Variants in NUAK1 observed in about 807,000 individuals in gnomAD.
NUAK1 encodes NUAK family kinase 1, also known as NUAK family SNF1-like kinase 1.
NUAK1 carries 26 observed loss-of-function variants against 56.9 expected under a neutral mutation model. The observed-to-expected ratio is 0.46, with a 90% CI of 0.33 to 0.63. The LOEUF (loss-of-function observed/expected upper bound fraction) is 0.63, where lower values mean the gene tolerates loss of function less well. Among genes scored for constraint, NUAK1 ranks in the 30% least tolerant of loss-of-function variants. The pLI is 0.02. For synonymous variants in NUAK1, 337 were observed against 336.0 expected, an observed-to-expected ratio of 1.00 and a Z score of -0.03; for missense variants, 727 against 876.1, an observed-to-expected ratio of 0.83 and a Z score of 2.15.
chr12:106,070,424 G>A (rs1592847577), intron 6 of NUAK1, among the ~76,000 whole-genome samples: 1 of 152,186 alleles, frequency 6.6e-6, no homozygotes, highest in East Asian at 1.9e-4. Context: ...ACATTCTCAG[G>A]TGAGTGGTTT....
At chr12:106,132,593 G>A (rs115095912) in intron 1 of NUAK1, among the ~76,000 whole-genome samples, 5,072 of 152,246 alleles carry the variant, frequency 0.033, 122 homozygotes, top group African/African-American at 0.065. Context: ...AGCCCCCTAG[G>A]GACTCCAGGG....
intron 6 of NUAK1, 114 bp from the exon 7 acceptor site, chr12:106,068,069 C>G: frequency 1.0e-6 from 1 of 985,518 alleles, no homozygotes; most frequent in Non-Finnish European, 1.5e-6. Flanking sequence ...ACAAATCCAT[C>G]TGGAGACCTG....
At chr12:106,068,848 T>G (rs759376907) in intron 6 of NUAK1, among the ~76,000 whole-genome samples, 10 of 152,226 alleles carry the variant, frequency 6.6e-5, no homozygotes, top group Non-Finnish European at 8.8e-5. Context: ...TGTAAGCGAA[T>G]GAGAAGCTGG....
At chr12:106,100,676 A>T (rs370133046) in intron 2 of NUAK1, among the ~76,000 whole-genome samples, 6 of 152,336 alleles carry the variant, frequency 3.9e-5, no homozygotes, top group African/African-American at 1.4e-4. Flanking sequence ...TTAATGAATA[A>T]ATCGCTTTTT....
chr12:106,079,923 A>G (rs1383038847), intron 4 of NUAK1, among the ~76,000 whole-genome samples: 3 of 152,232 alleles, frequency 2.0e-5, no homozygotes, highest in Non-Finnish European at 4.4e-5. Context: ...GCACAGGGTC[A>G]AGTACACAGT....
intron 1 of NUAK1, among the ~76,000 whole-genome samples, chr12:106,120,388 A>G (rs1246425998): frequency 6.6e-6 from 1 of 152,214 alleles, no homozygotes; most frequent in African/African-American, 2.4e-5. Flanking sequence ...TATATGCTCC[A>G]AAAATGCTGG....
At chr12:106,073,292 C>A (rs1003721689) in intron 4 of NUAK1, among the ~76,000 whole-genome samples, 4 of 151,872 alleles carry the variant, frequency 2.6e-5, no homozygotes, top group African/African-American at 9.7e-5. Context: ...TATCACACTG[C>A]GGAAAAACCC....
At chr12:106,111,601 G>A (rs2032860223) in intron 1 of NUAK1, among the ~76,000 whole-genome samples, 1 of 151,930 alleles carries the variant, frequency 6.6e-6, no homozygotes, top group Admixed American at 6.6e-5. Flanking sequence ...TTGAAAAAGT[G>A]CAGATTCTGA....
chr12:106,121,995 G>A (rs2032982650), intron 1 of NUAK1, among the ~76,000 whole-genome samples: 1 of 152,150 alleles, frequency 6.6e-6, no homozygotes, highest in Non-Finnish European at 1.5e-5. Flanking sequence ...AACCTATCTT[G>A]TGTGCGACAC....
chr12:106,083,359 C>G (rs539344047), intron 4 of NUAK1, among the ~76,000 whole-genome samples: 2 of 152,296 alleles, frequency 1.3e-5, no homozygotes, highest in East Asian at 3.9e-4. Context: ...TGAAATCAGA[C>G]AGACATGGGT....
intron 1 of NUAK1, among the ~76,000 whole-genome samples, chr12:106,137,865 A>G (rs1171934894): frequency 2.0e-5 from 3 of 152,226 alleles, no homozygotes; most frequent in Non-Finnish European, 2.9e-5. Flanking sequence ...CTTGTCTCAA[A>G]AACAGGCAAG....
intron 1 of NUAK1, among the ~76,000 whole-genome samples, chr12:106,127,745 G>A (rs2033037238): frequency 6.6e-6 from 1 of 152,128 alleles, no homozygotes; most frequent in Admixed American, 6.5e-5. Context: ...CAGCCTTTCA[G>A]TGAATCCTAG....
chr12:106,089,083 A>G (rs1402227636), intron 2 of NUAK1, among the ~76,000 whole-genome samples: 1 of 152,256 alleles, frequency 6.6e-6, no homozygotes, highest in African/African-American at 2.4e-5. Context: ...TTAACAATAA[A>G]CCTTGGAAAC....
intron 1 of NUAK1, among the ~76,000 whole-genome samples, chr12:106,111,962 G>A (rs578099575): frequency 6.7e-6 from 1 of 148,948 alleles, no homozygotes; most frequent in Non-Finnish European, 1.5e-5. Flanking sequence ...TGATTTTTAA[G>A]GCTATGAATA....
At chr12:106,121,765 G>T (rs371323335) in intron 1 of NUAK1, among the ~76,000 whole-genome samples, 5 of 151,964 alleles carry the variant, frequency 3.3e-5, no homozygotes, top group South Asian at 2.1e-4. Context: ...AAAAAAAGGT[G>T]GGGGGGTGTG....
At chr12:106,125,512 G>A (rs2136482159) in intron 1 of NUAK1, among the ~76,000 whole-genome samples, 1 of 152,220 alleles carries the variant, frequency 6.6e-6, no homozygotes, top group East Asian at 1.9e-4. Context: ...TCTATGAAAT[G>A]AATGTGATAA....
intron 1 of NUAK1, among the ~76,000 whole-genome samples, chr12:106,124,995 T>C (rs1048637622): frequency 2.0e-5 from 3 of 147,472 alleles, no homozygotes; most frequent in Non-Finnish European, 3.0e-5. Flanking sequence ...AGACTCCATC[T>C]CAATAAATAA....
At chr12:106,073,491 C>T (rs915628441) in intron 4 of NUAK1, among the ~76,000 whole-genome samples, 3 of 152,140 alleles carry the variant, frequency 2.0e-5, no homozygotes, top group African/African-American at 7.2e-5. Flanking sequence ...AGTTTACCCA[C>T]CAGAAAATGG....
intron 1 of NUAK1, among the ~76,000 whole-genome samples, chr12:106,136,609 TTA>T: frequency 6.6e-6 from 1 of 152,106 alleles, no homozygotes; most frequent in East Asian, 1.9e-4. Context: ...GCCCCAGCAT[TTA>T]GACTTTGGGG....
Sources: allele counts gnomAD v4.1 joint callset (sites outside exome capture counted in the v4.1 genomes callset), GRCh38; gene constraint gnomAD v4.1.1; transcripts MANE v1.5; gene names NCBI Gene and HGNC (gene_info 2026-07-23, HGNC 2026-07-21).